The following GRM7 variants were observed in gnomAD, a reference collection of about 807,000 sequenced individuals.
GRM7 encodes the protein glutamate metabotropic receptor 7.
GRM7 carries 35 observed loss-of-function variants against 84.5 expected under a neutral mutation model. The observed-to-expected ratio is 0.41, with a 90% CI of 0.32 to 0.55. The LOEUF (loss-of-function observed/expected upper bound fraction) is 0.55, where lower values mean the gene tolerates loss of function less well. Among genes scored for constraint, GRM7 ranks in the 20% least tolerant of loss-of-function variants. The pLI is 0.19. For missense variants in GRM7, 1,003 were observed against 1,194.6 expected, an observed-to-expected ratio of 0.84 and a Z score of 2.36; for synonymous variants, 487 against 455.1, an observed-to-expected ratio of 1.07 and a Z score of -0.89.
chr3:7,679,926 T>G (rs162802), intron 8 of GRM7, 123 bp from the exon 9 acceptor site: 1 of 831,960 alleles, frequency 1.2e-6, no homozygotes, highest in Non-Finnish European at 1.9e-6. Context: ...CCTTTATTTA[T>G]CAAAATGCCC....
intron 1 of GRM7, among the ~76,000 whole-genome samples, chr3:7,052,722 T>G (rs887493356): frequency 1.4e-5 from 2 of 147,406 alleles, no homozygotes; most frequent in African/African-American, 4.9e-5. Context: ...TATCGGTAGT[T>G]TTTTTTTTTT....
At chr3:7,371,657 C>G (rs903013954) in intron 4 of GRM7, among the ~76,000 whole-genome samples, 1 of 152,154 alleles carries the variant, frequency 6.6e-6, no homozygotes, top group Admixed American at 6.6e-5. Context: ...TTTGCTCAGT[C>G]TCTTTTCTGT....
intron 1 of GRM7, among the ~76,000 whole-genome samples, chr3:6,927,115 A>G (rs1326939109): frequency 2.6e-5 from 4 of 152,148 alleles, no homozygotes; most frequent in Admixed American, 2.6e-4. Context: ...ATGTGCCATA[A>G]AATAAGTAAG....
intron 9 of GRM7, among the ~76,000 whole-genome samples, chr3:7,696,957 C>A (rs1701044769): frequency 6.6e-6 from 1 of 152,110 alleles, no homozygotes. Flanking sequence ...CAGTTCCAGG[C>A]CAGTTCTATC....
chr3:7,459,209 C>A lies in GRM7; in HGVS notation c.1376-2374C>A, dbSNP rs569539438. Among the ~76,000 whole-genome samples the A allele has an allele frequency of 1.7e-4, 26 of 152,226 alleles. No homozygotes were observed. The South Asian group carries it at 5.0e-3, about 29-fold the overall frequency. ...AGCTGTTGACTCAAATTGGTGGGAC[C>A]AAAGCAGTGTTGCTCACAGGAGATC... On this transcript the variant is annotated intron_variant, in intron 6 of 9. Coordinates refer to ENST00000357716, the MANE Select transcript of GRM7 (RefSeq NM_000844.4).
intron 1 of GRM7, among the ~76,000 whole-genome samples, chr3:7,126,312 C>T (rs997083828): frequency 6.6e-6 from 1 of 152,148 alleles, no homozygotes; most frequent in Admixed American, 6.5e-5. Context: ...CATAACTCTG[C>T]ACAGAAACAC....
intron 2 of GRM7, among the ~76,000 whole-genome samples, chr3:7,225,718 A>G (rs528799298): frequency 2.6e-5 from 4 of 151,926 alleles, no homozygotes; most frequent in African/African-American, 9.6e-5. Flanking sequence ...CATTAAGTAG[A>G]AGTACAATAG....
At chr3:6,985,402 G>T (rs1353539439) in intron 1 of GRM7, among the ~76,000 whole-genome samples, 2 of 151,686 alleles carry the variant, frequency 1.3e-5, no homozygotes, top group Non-Finnish European at 2.9e-5. Flanking sequence ...TCTCTGTATT[G>T]ATGAGTTCAT....
At chr3:7,615,733 A>G (rs1022653390) in intron 8 of GRM7, among the ~76,000 whole-genome samples, 1 of 152,032 alleles carries the variant, frequency 6.6e-6, no homozygotes, top group Non-Finnish European at 1.5e-5. Flanking sequence ...ATAAAATAGA[A>G]AGGGGAGGAG....
At chr3:7,489,031 G>GT (rs1699426286) in intron 7 of GRM7, among the ~76,000 whole-genome samples, 1 of 152,052 alleles carries the variant, frequency 6.6e-6, no homozygotes, top group African/African-American at 2.4e-5. Flanking sequence ...TATCTGCCCT[G>GT]TGCAGGTGTT....
intron 1 of GRM7, among the ~76,000 whole-genome samples, chr3:6,936,081 C>T (rs1002237636): frequency 1.3e-5 from 2 of 152,146 alleles, no homozygotes; most frequent in African/African-American, 4.8e-5. Context: ...TCACAAAGCT[C>T]GGTGACTTTC....
chr3:7,506,566 G>C (rs541711944), intron 7 of GRM7, among the ~76,000 whole-genome samples: 1 of 152,266 alleles, frequency 6.6e-6, no homozygotes, highest in African/African-American at 2.4e-5. Flanking sequence ...AGAAATTACA[G>C]ATTGGGTAAT....
At chr3:7,082,302 G>A (rs955972427) in intron 1 of GRM7, among the ~76,000 whole-genome samples, 9 of 152,048 alleles carry the variant, frequency 5.9e-5, no homozygotes, top group African/African-American at 1.7e-4. Context: ...TAAGAATTAT[G>A]ATTAATCTAC....
At chr3:7,058,705 G>C (rs183263023) in intron 1 of GRM7, among the ~76,000 whole-genome samples, 1 of 151,866 alleles carries the variant, frequency 6.6e-6, no homozygotes, top group African/African-American at 2.4e-5. Context: ...TTTTGCAAGA[G>C]TATACCGAAC....
intron 9 of GRM7, among the ~76,000 whole-genome samples, chr3:7,722,902 A>T (rs78862149): frequency 0.023 from 3,548 of 152,252 alleles, 140 homozygotes; most frequent in African/African-American, 0.081. Context: ...TCTTGGTGGT[A>T]GATGTTAGGA....
intron 1 of GRM7, among the ~76,000 whole-genome samples, chr3:7,069,758 G>A (rs575228955): frequency 1.3e-5 from 2 of 152,170 alleles, no homozygotes; most frequent in Admixed American, 6.6e-5. Flanking sequence ...ACATGGGTTG[G>A]GGAGGAGTAG....
intron 2 of GRM7, among the ~76,000 whole-genome samples, chr3:7,222,191 A>G (rs1696828092): frequency 6.6e-6 from 1 of 152,140 alleles, no homozygotes. Context: ...AAATGACAAT[A>G]TGTCTGAATG....
chr3:6,917,698 A>G (rs1052264657), intron 1 of GRM7, among the ~76,000 whole-genome samples: 21 of 152,254 alleles, frequency 1.4e-4, no homozygotes, highest in South Asian at 6.2e-4. Context: ...GTGAGTAAAT[A>G]ATGTTCTTGC....
At chr3:7,665,133 T>TTTCAAC (rs1699631839) in intron 8 of GRM7, among the ~76,000 whole-genome samples, 1 of 151,910 alleles carries the variant, frequency 6.6e-6, no homozygotes, top group Non-Finnish European at 1.5e-5. Flanking sequence ...TTGGACACAG[T>TTTCAAC]TTCAACTGCA....
Sources: gnomAD v4.1 joint callset for allele counts (sites outside exome capture counted in the v4.1 genomes callset) on GRCh38, gnomAD v4.1.1 for gene constraint, MANE v1.5 for transcripts, NCBI Gene and HGNC (gene_info 2026-07-23, HGNC 2026-07-21) for gene names.